HLCS: variants seen among roughly 807,000 people sequenced by gnomAD.
HLCS encodes the protein biotin--protein ligase.
A neutral mutation model predicts 75.0 loss-of-function variants in HLCS; 53 were observed. That is an observed-to-expected ratio of 0.71 (90% CI 0.57 to 0.89). The LOEUF (loss-of-function observed/expected upper bound fraction) is 0.89. Among genes scored for constraint, HLCS ranks in the 40% least tolerant of loss-of-function variants. The probability of loss-of-function intolerance (pLI) is 0.00; values close to 1 mark genes in which losing one functional copy is unlikely to be tolerated. For missense variants in HLCS, 966 were observed against 1,074.0 expected (o/e 0.90, Z 1.41); for synonymous variants, 431 against 428.6 (o/e 1.01, Z -0.07).
rs149198724 is a variant in HLCS at position 36,863,226 on chromosome 21, G to A, written c.1892+33634C>T. Among the ~76,000 whole-genome samples the A allele has an allele frequency of 4.6e-5, 7 of 152,124 alleles. No individual in the cohort carries two copies. The South Asian group carries it at 6.2e-4, about 14-fold the overall frequency. On this transcript the variant is annotated intron_variant, in intron 6 of 10. Transcript: ENST00000674895. ...TCAGTGAAGAAACATAAAAACAGTC[G>A]CATAGAATGATGCACAGAGATTTAG...
intron 6 of HLCS, among the ~76,000 whole-genome samples, chr21:36,850,344 A>T (rs955401795): frequency 6.6e-6 from 1 of 152,224 alleles, no homozygotes; most frequent in Admixed American, 6.5e-5. Context: ...GGGGCAGCTC[A>T]CCTGTCTGGC....
chr21:36,912,309 A>G (rs2065753314), intron 5 of HLCS, among the ~76,000 whole-genome samples: 1 of 152,052 alleles, frequency 6.6e-6, no homozygotes, highest in African/African-American at 2.4e-5. Flanking sequence ...AAAAAAAAAA[A>G]CAAGGTATGA....
Position 36,751,289 on chromosome 21 carries a change from G to T in HLCS, c.*2957C>A, listed in dbSNP as rs2089355713. 1 of 152,670 alleles carries T rather than the reference G, an allele frequency of 6.6e-6. No homozygotes were observed. The highest frequency in any genetic ancestry group is 2.4e-5 in the African/African-American group (1 of 41,454). The allele number at this position is 152,670 out of a possible 1,614,324, so 9.5% of individuals were successfully genotyped here. A position where few individuals can be genotyped will look rare whatever the true frequency, so the allele number is the denominator to read the frequency against. Reference sequence around the variant, plus strand: ...AGACATCCTTTGAGAAGTTAAAATTGCAGAGGCTTACGCTTTCTTTTATTT... The same window carrying T: ...AGACATCCTTTGAGAAGTTAAAATTTCAGAGGCTTACGCTTTCTTTTATTT... On this transcript the variant is annotated 3_prime_UTR_variant, in exon 11 of 11. Transcript: ENST00000674895.
chr21:36,968,473 G>A (rs1314529249), upstream of HLCS: 1 of 152,020 alleles, frequency 6.6e-6, no homozygotes, highest in Non-Finnish European at 1.5e-5. Context: ...GGGCTTAAAA[G>A]CAAGCATCTC....
chr21:36,956,590 T>C lies in HLCS; in HGVS notation c.330+5446A>G, dbSNP rs150643657. ...AAACATACAAAAAAAATTAGCCGGG[T>C]GTGGTGGTGGGCGCCTGTAGTCCCA... On this transcript the variant is annotated intron_variant, in intron 2 of 10. Transcript: ENST00000674895. Among the ~76,000 whole-genome samples, 1,066 of 150,988 alleles carry C rather than the reference T, an allele frequency of 7.1e-3. 12 individuals are homozygous for C. Among genetic ancestry groups the C allele is most frequent in the African/African-American group, 0.025 (1,023 of 41,122 alleles).
intron 6 of HLCS, among the ~76,000 whole-genome samples, chr21:36,872,920 G>A (rs1005170383): frequency 5.9e-5 from 9 of 151,962 alleles, no homozygotes; most frequent in South Asian, 4.2e-4. Flanking sequence ...CAAAATGGTC[G>A]TATCATTTTA....
chr21:36,977,518 C>G (rs11909178), intron 1 of HLCS, among the ~76,000 whole-genome samples: 9,786 of 152,294 alleles, frequency 0.064, 405 homozygotes, highest in South Asian at 0.16. Context: ...TGCACAGAGG[C>G]AGCTTTAAGA....
chr21:36,793,647 A>T (rs1323825939), intron 6 of HLCS, among the ~76,000 whole-genome samples: 1 of 152,164 alleles, frequency 6.6e-6, no homozygotes, highest in East Asian at 1.9e-4. Flanking sequence ...GAAGCAAAAA[A>T]GTGGAGTGAG....
chr21:36,954,557 A>G (rs2067832141), intron 2 of HLCS, among the ~76,000 whole-genome samples: 1 of 149,098 alleles, frequency 6.7e-6, no homozygotes, highest in East Asian at 2.0e-4. Flanking sequence ...TGGAGCTTGC[A>G]GCGAGCCGAG....
At chr21:36,789,363 G>A (rs1329947199) in intron 6 of HLCS, among the ~76,000 whole-genome samples, 1 of 152,090 alleles carries the variant, frequency 6.6e-6, no homozygotes, top group Non-Finnish European at 1.5e-5. Flanking sequence ...AGAGTGATGT[G>A]GTGAAAAACA....
intron 6 of HLCS, among the ~76,000 whole-genome samples, chr21:36,884,803 G>T (rs2064376238): frequency 6.6e-6 from 1 of 152,056 alleles, no homozygotes; most frequent in Non-Finnish European, 1.5e-5. Context: ...AAACATCTGG[G>T]GTTTTTTTTA....
chr21:36,933,825 C>G (rs1352871727), intron 4 of HLCS, among the ~76,000 whole-genome samples: 4 of 152,188 alleles, frequency 2.6e-5, no homozygotes, highest in Non-Finnish European at 5.9e-5. Context: ...AGGGTGAATA[C>G]ACAGAGTAGC....
At chr21:36,776,666 G>GC (rs1213821787) in intron 6 of HLCS, among the ~76,000 whole-genome samples, 1 of 152,158 alleles carries the variant, frequency 6.6e-6, no homozygotes, top group Non-Finnish European at 1.5e-5. Flanking sequence ...ACCCATCTCA[G>GC]CCCCCCAAAG....
intron 1 of HLCS, among the ~76,000 whole-genome samples, chr21:36,982,921 C>T (rs1052981328): frequency 2.6e-5 from 4 of 151,972 alleles, no homozygotes; most frequent in African/African-American, 4.8e-5. Context: ...CCCAGCTACT[C>T]GGGAAGCTGA....
intron 6 of HLCS, among the ~76,000 whole-genome samples, chr21:36,859,920 G>A (rs570826214): frequency 6.6e-6 from 1 of 152,290 alleles, no homozygotes; most frequent in South Asian, 2.1e-4. Flanking sequence ...ACCACTGGAG[G>A]CTCCTGGCTG....
chr21:36,931,941 T>C (rs980334250), intron 4 of HLCS, among the ~76,000 whole-genome samples: 4 of 152,006 alleles, frequency 2.6e-5, no homozygotes, highest in Admixed American at 6.6e-5. Context: ...TTCTCCGTTT[T>C]CCCCCCACAT....
chr21:36,981,940 C>G (rs1338750461), intron 1 of HLCS, among the ~76,000 whole-genome samples: 1 of 152,132 alleles, frequency 6.6e-6, no homozygotes, highest in Non-Finnish European at 1.5e-5. Flanking sequence ...GAAAATGAAT[C>G]AAGTCTGATG....
intron 1 of HLCS, among the ~76,000 whole-genome samples, 169 bp from the exon 2 acceptor site, chr21:36,962,339 G>GT (rs1342874463): frequency 6.6e-6 from 1 of 152,154 alleles, no homozygotes; most frequent in Non-Finnish European, 1.5e-5. Flanking sequence ...TTGTTTAGCT[G>GT]TGACTGTTTA....
intron 5 of HLCS, among the ~76,000 whole-genome samples, chr21:36,900,237 G>C (rs555427531): frequency 1.3e-5 from 2 of 152,334 alleles, no homozygotes; most frequent in African/African-American, 4.8e-5. Flanking sequence ...GGCCACTTCA[G>C]ACCAGACAGA....
Sources: allele counts gnomAD v4.1 joint callset (sites outside exome capture counted in the v4.1 genomes callset), GRCh38; gene constraint gnomAD v4.1.1; transcripts MANE v1.5; gene names NCBI Gene and HGNC (gene_info 2026-07-23, HGNC 2026-07-21).